GREB1L: variants seen among roughly 807,000 people sequenced by gnomAD.
GREB1L encodes GREB1-like protein.
In GREB1L, 17 loss-of-function variants were observed where a neutral mutation model predicts 200.8. The ratio of observed to expected loss-of-function variants is 0.08; its 90% CI spans 0.06 to 0.13. GREB1L has a LOEUF of 0.13. Ranked by LOEUF, GREB1L falls within the 10% of genes least tolerant of loss-of-function variation. GREB1L has a pLI of 1.00. For missense variants in GREB1L, 1,657 were observed against 2,367.7 expected (o/e 0.70, Z 6.23); for synonymous variants, 789 against 893.0 (o/e 0.88, Z 2.08).
intron 7 of GREB1L, among the ~76,000 whole-genome samples, chr18:21,425,721 A>AT (rs1445698955): frequency 2.0e-5 from 3 of 152,002 alleles, no homozygotes; most frequent in African/African-American, 7.2e-5. Flanking sequence ...TCAATTTTCA[A>AT]TTTTTCAGTT....
chr18:21,426,404 C>G (rs1464846352), intron 7 of GREB1L, among the ~76,000 whole-genome samples: 1 of 152,170 alleles, frequency 6.6e-6, no homozygotes, highest in Non-Finnish European at 1.5e-5. Context: ...CAACTTCATT[C>G]TTTTGCCTGT....
chr18:21,358,836 A>G (rs140881577), intron 1 of GREB1L, among the ~76,000 whole-genome samples: 92 of 152,376 alleles, frequency 6.0e-4, no homozygotes, highest in African/African-American at 2.1e-3. Context: ...AAAACTGTTG[A>G]AATAAAATGA....
At chr18:21,407,664 A>G (rs1456324696) in intron 7 of GREB1L, among the ~76,000 whole-genome samples, 1 of 152,066 alleles carries the variant, frequency 6.6e-6, no homozygotes, top group African/African-American at 2.4e-5. Flanking sequence ...TCTAAATATA[A>G]GGATTTGTTT....
At chr18:21,490,416 A>G (rs986520156) in intron 19 of GREB1L, 65 bp downstream of exon 19, 1 of 1,398,954 alleles carries the variant, frequency 7.1e-7, no homozygotes, top group African/African-American at 1.4e-5. Flanking sequence ...GGAATCCTAC[A>G]TAGGTGGCTC....
chr18:21,269,460 T>C (rs982193249), intron 1 of GREB1L, among the ~76,000 whole-genome samples: 6 of 152,196 alleles, frequency 3.9e-5, no homozygotes, highest in African/African-American at 1.4e-4. Flanking sequence ...CTTCATGCAA[T>C]AAGAGGGCAC....
rs1276093411 is a variant in GREB1L, at chr18:21,524,881, ATTCTTT to A, written c.*2062_*2067del. The A allele has an allele frequency of 2.0e-5, 3 of 151,998 alleles. No homozygotes were observed. Among genetic ancestry groups the A allele is most frequent in the Non-Finnish European group, 4.4e-5 (3 of 67,998 alleles). The allele number at this position is 151,998 out of a possible 1,614,324, so 9.4% of individuals were successfully genotyped here. On this transcript the variant is annotated 3_prime_UTR_variant, in exon 33 of 33. Coordinates refer to ENST00000424526, the MANE Select transcript of GREB1L (RefSeq NM_001142966.3). ...CTATAATGGAGAAATTGATCTGCCT[ATTCTTT>A]TCAAAGCCTATCTTACTAATGTTTG...
intron 25 of GREB1L, 67 bp from the exon 26 acceptor site, chr18:21,508,051 A>G: frequency 7.1e-7 from 1 of 1,417,720 alleles, no homozygotes; most frequent in South Asian, 1.2e-5. Context: ...AACCTGAAGG[A>G]GTGGCCTGGA....
At chr18:21,483,578 G>T (rs897012372) in intron 17 of GREB1L, among the ~76,000 whole-genome samples, 1 of 151,930 alleles carries the variant, frequency 6.6e-6, no homozygotes, top group African/African-American at 2.4e-5. Flanking sequence ...GCAGGGTTTT[G>T]GGGGGGACCT....
At chr18:21,348,779 A>G (rs1211200145) in intron 1 of GREB1L, among the ~76,000 whole-genome samples, 1 of 147,102 alleles carries the variant, frequency 6.8e-6, no homozygotes, top group African/African-American at 2.6e-5. Flanking sequence ...CATCTCGAAG[A>G]AAAAAAAAAT....
chr18:21,508,737 T>C (rs1251634931), intron 27 of GREB1L, 146 bp downstream of exon 27: 2 of 662,002 alleles, frequency 3.0e-6, no homozygotes, highest in African/African-American at 3.7e-5. Flanking sequence ...AAAAAAAGCT[T>C]TTTGACTCTC....
intron 1 of GREB1L, among the ~76,000 whole-genome samples, chr18:21,274,873 C>A (rs1224989089): frequency 6.6e-6 from 1 of 150,796 alleles, no homozygotes; most frequent in African/African-American, 2.4e-5. Flanking sequence ...GGCAACACAG[C>A]AAGACCCCAT....
At position 21,477,148 on chromosome 18, in the gene GREB1L, T is replaced by C. The variant is rs1404277194; in HGVS notation, c.2364-16T>C. 4.6e-6 allele frequency: 7 copies of C among 1,537,006 alleles called. No homozygotes were observed. In the African/African-American group the frequency reaches 8.2e-5, roughly 18 times the overall value. On this transcript the variant is annotated splice_polypyrimidine_tract_variant and intron_variant, in intron 16 of 32. Coordinates refer to ENST00000424526, the MANE Select transcript of GREB1L (RefSeq NM_001142966.3). Reference sequence around the variant, plus strand: ...GGTTAAATGAGGTATTAATATGACTTTCAATTTTTCTACAGTGTCATTTCA... The same window carrying C: ...GGTTAAATGAGGTATTAATATGACTCTCAATTTTTCTACAGTGTCATTTCA...
At chr18:21,329,358 C>G (rs1298971655) in intron 1 of GREB1L, among the ~76,000 whole-genome samples, 1 of 150,066 alleles carries the variant, frequency 6.7e-6, no homozygotes. Context: ...TGTAATGGAC[C>G]ATATTACAAT....
intron 3 of GREB1L, among the ~76,000 whole-genome samples, 197 bp from the exon 4 acceptor site, chr18:21,384,009 C>T (rs996963173): frequency 3.3e-5 from 5 of 152,152 alleles, no homozygotes; most frequent in South Asian, 2.1e-4. Context: ...CCACTGCACC[C>T]GGCCACTGGA....
intron 15 of GREB1L, 68 bp from the exon 16 acceptor site, chr18:21,472,963 G>T: frequency 8.9e-7 from 1 of 1,122,294 alleles, no homozygotes; most frequent in Non-Finnish European, 1.2e-6. Context: ...ATGAACTCAA[G>T]TCTATCTCCT....
intron 4 of GREB1L, among the ~76,000 whole-genome samples, chr18:21,387,174 T>C (rs1003190286): frequency 1.1e-4 from 16 of 152,220 alleles, no homozygotes; most frequent in African/African-American, 3.4e-4. Flanking sequence ...AACCAAATTT[T>C]AGGCCTCCAA....
intron 3 of GREB1L, 41 bp from the exon 4 acceptor site, chr18:21,384,165 A>T: frequency 7.7e-7 from 1 of 1,306,728 alleles, no homozygotes; most frequent in Non-Finnish European, 1.1e-6. Flanking sequence ...TTCCATAAGC[A>T]TCTTTTTATT....
intron 1 of GREB1L, among the ~76,000 whole-genome samples, chr18:21,346,380 A>G (rs1408062898): frequency 1.3e-5 from 2 of 151,656 alleles, no homozygotes; most frequent in Non-Finnish European, 2.9e-5. Flanking sequence ...TCAAAGCTAA[A>G]ATGTGAACAT....
chr18:21,427,258 C>T (rs570386941), intron 7 of GREB1L, among the ~76,000 whole-genome samples: 4 of 152,082 alleles, frequency 2.6e-5, no homozygotes, highest in African/African-American at 9.6e-5. Context: ...AATCCCTGCA[C>T]TTTGGGAGGC....
Sources: allele counts gnomAD v4.1 joint callset (sites outside exome capture counted in the v4.1 genomes callset), GRCh38; gene constraint gnomAD v4.1.1; transcripts MANE v1.5; gene names NCBI Gene and HGNC (gene_info 2026-07-23, HGNC 2026-07-21).